The following ABCA12 variants were observed in gnomAD, a reference collection of about 807,000 sequenced individuals.
ABCA12 encodes glucosylceramide transporter ABCA12.
A neutral mutation model predicts 293.5 loss-of-function variants in ABCA12; 156 were observed. The ratio of observed to expected loss-of-function variants is 0.53; its 90% CI spans 0.47 to 0.61. ABCA12 has a LOEUF of 0.61. Among genes scored for constraint, ABCA12 ranks in the 20% least tolerant of loss-of-function variants. The pLI, the probability that ABCA12 is intolerant of heterozygous loss-of-function variation, is 0.00. For missense variants in ABCA12, 2,797 were observed against 3,090.2 expected, an observed-to-expected ratio of 0.91 and a Z score of 2.25; for synonymous variants, 1,063 against 1,108.0, an observed-to-expected ratio of 0.96 and a Z score of 0.81.
rs1450195796 is a variant in ABCA12, at chr2:215,010,589, A to G, written c.2333-119T>C. Reference sequence around the variant, plus strand: ...AAAAATACATGCTCTAGTACTTCCTATATTATTAACAGATGTGAGGCATCT... The same window carrying G: ...AAAAATACATGCTCTAGTACTTCCTGTATTATTAACAGATGTGAGGCATCT... On this transcript the variant is annotated intron_variant, in intron 17 of 52. Transcript: ENST00000272895. The G allele has an allele frequency of 9.5e-6, 11 of 1,155,668 alleles. No homozygotes were observed. In the East Asian group the frequency reaches 2.1e-4, roughly 22 times the overall value. The allele number at this position is 1,155,668 out of a possible 1,614,324, so 71.6% of individuals were successfully genotyped here.
chr2:215,128,701 T>C (rs369688780), intron 1 of ABCA12, among the ~76,000 whole-genome samples: 2 of 152,146 alleles, frequency 1.3e-5, no homozygotes, highest in South Asian at 4.1e-4. Flanking sequence ...CCTTCACTTC[T>C]TCTTTCATGT....
At chr2:215,059,862 G>A (rs1478869176) in intron 3 of ABCA12, among the ~76,000 whole-genome samples, 1 of 151,994 alleles carries the variant, frequency 6.6e-6, no homozygotes, top group African/African-American at 2.4e-5. Context: ...ATTCCTGTAC[G>A]CCAACTATGC....
Position 215,019,365 on chromosome 2 carries a change from T to G in ABCA12, c.1628A>C (p.Asn543Thr). ...IPIIEAMLHVNNSADASEKPG... is the reference protein window; with the variant it reads ...IPIIEAMLHVTNSADASEKPG... Reference sequence around the variant, plus strand: ...CTTTTCAGAAGCATCTGCACTGTTATTGACATGCAGCATGGCTTCTATGAT... The same window carrying G: ...CTTTTCAGAAGCATCTGCACTGTTAGTGACATGCAGCATGGCTTCTATGAT... Residue 543 changes from asparagine (N) to threonine (T), a missense_variant, in exon 13 of 53, where the codon AAT (asparagine) becomes ACT (threonine). By Grantham distance (65) the Asn-to-Thr change is moderately conservative. This residue lies in a region of ABCA12 where 656 missense variants were observed against 638.2 expected (regional missense o/e 1.03). Coordinates refer to ENST00000272895, the MANE Select transcript of ABCA12 (RefSeq NM_173076.3). 1.2e-6 allele frequency: 2 copies of G among 1,612,624 alleles called. No homozygotes were observed. The highest frequency in any genetic ancestry group is 1.7e-6 in the Non-Finnish European group (2 of 1,179,876).
chr2:214,954,634 G>A (rs1468681124), intron 43 of ABCA12, among the ~76,000 whole-genome samples: 1 of 152,192 alleles, frequency 6.6e-6, no homozygotes, highest in Non-Finnish European at 1.5e-5. Flanking sequence ...TTCTCCCAGA[G>A]TATGCTTGTC....
chr2:215,052,619 A>C, intron 4 of ABCA12, 35 bp from the exon 5 acceptor site: 1 of 1,493,988 alleles, frequency 6.7e-7, no homozygotes, highest in Non-Finnish European at 9.3e-7. Flanking sequence ...AGCATTCCAC[A>C]CACACACACA....
intron 2 of ABCA12, among the ~76,000 whole-genome samples, chr2:215,101,761 T>C (rs550176300): frequency 2.0e-5 from 3 of 152,010 alleles, no homozygotes; most frequent in African/African-American, 7.3e-5. Context: ...GAAAAGAAAA[T>C]GGAGGATTGA....
intron 1 of ABCA12, among the ~76,000 whole-genome samples, chr2:215,112,810 T>C (rs530397168): frequency 1.3e-5 from 2 of 152,238 alleles, no homozygotes; most frequent in East Asian, 3.9e-4. Context: ...AAATTTTCAT[T>C]AGAGAATTTC....
chr2:215,069,042 G>A (rs998825787), intron 2 of ABCA12, among the ~76,000 whole-genome samples: 12 of 152,090 alleles, frequency 7.9e-5, no homozygotes, highest in African/African-American at 1.7e-4. Context: ...TGGTAGAATC[G>A]GACACTTGCC....
At chr2:215,036,034 A>T (rs1379052164) in intron 8 of ABCA12, among the ~76,000 whole-genome samples, 1 of 152,124 alleles carries the variant, frequency 6.6e-6, no homozygotes, top group African/African-American at 2.4e-5. Flanking sequence ...TCTAGCCTAA[A>T]CTTTTTTTTT....
At chr2:214,966,363 T>C (rs1699258553) in intron 39 of ABCA12, among the ~76,000 whole-genome samples, 1 of 152,142 alleles carries the variant, frequency 6.6e-6, no homozygotes, top group Non-Finnish European at 1.5e-5. Context: ...GTAACAAACC[T>C]GCACATCTGG....
chr2:215,128,650 T>G (rs1035899575), intron 1 of ABCA12, among the ~76,000 whole-genome samples: 21 of 129,122 alleles, frequency 1.6e-4, no homozygotes, highest in Middle Eastern at 3.9e-3. Flanking sequence ...TAATTTTGTA[T>G]TTTTTTTTCT....
At chr2:214,995,644 G>C (rs1269808664) in intron 23 of ABCA12, among the ~76,000 whole-genome samples, 1 of 152,148 alleles carries the variant, frequency 6.6e-6, no homozygotes, top group Non-Finnish European at 1.5e-5. Flanking sequence ...GCGAGGCTGA[G>C]CAGGAGGCAC....
At chr2:215,013,739 T>C (rs1559146381) in intron 15 of ABCA12, 2 of 153,360 alleles carry the variant, frequency 1.3e-5, no homozygotes. Context: ...TTGTAGGTTA[T>C]AGTTTATGTA....
In ABCA12 at chr2:215,053,427, T is replaced by C. The variant is rs189583150; in HGVS notation, c.410-843A>G. 1.1e-3 allele frequency among the ~76,000 whole-genome samples: 169 copies of C among 152,232 alleles called. 1 individual carries two copies. The highest frequency in any genetic ancestry group is 3.9e-3 in the African/African-American group (162 of 41,550). On this transcript the variant is annotated intron_variant, in intron 4 of 52. Transcript: ENST00000272895. ...TTTGCCATCTGATTCCTTTAGACTA[T>C]GGCAATATATTTGTGAGATAACTGG...
intron 2 of ABCA12, among the ~76,000 whole-genome samples, chr2:215,071,052 C>T (rs994095189): frequency 4.0e-5 from 6 of 151,616 alleles, no homozygotes; most frequent in African/African-American, 1.5e-4. Flanking sequence ...CACAAACTAT[C>T]TCGGCATGCT....
At chr2:215,100,816 A>AT (rs1402558429) in intron 2 of ABCA12, among the ~76,000 whole-genome samples, 5 of 152,158 alleles carry the variant, frequency 3.3e-5, no homozygotes, top group Non-Finnish European at 7.3e-5. Context: ...TAATGAAAAG[A>AT]TTTTAACATT....
In ABCA12 at chr2:215,056,949, AC is replaced by A. The variant is rs570939589; in HGVS notation, c.318-2286del. Among the ~76,000 whole-genome samples the A allele has an allele frequency of 2.5e-4, 38 of 152,198 alleles. 3 individuals carry two copies. The South Asian group carries it at 7.7e-3, about 31-fold the overall frequency. On this transcript the variant is annotated intron_variant, in intron 3 of 52. Coordinates refer to ENST00000272895, the MANE Select transcript of ABCA12 (RefSeq NM_173076.3). Reference sequence around the variant, plus strand: ...AAATAGCACCTTCCTGTTACTTCACACAAGCACTTAGTGCACACTTATTTCA... The same window carrying A: ...AAATAGCACCTTCCTGTTACTTCACAAAGCACTTAGTGCACACTTATTTCA...
At chr2:215,112,612 C>T (rs1363693786) in intron 1 of ABCA12, among the ~76,000 whole-genome samples, 3 of 151,678 alleles carry the variant, frequency 2.0e-5, no homozygotes, top group Non-Finnish European at 4.4e-5. Flanking sequence ...AATCCTCTGC[C>T]TCAGTCTCCC....
chr2:214,966,161 C>A (rs1699252759), intron 39 of ABCA12, among the ~76,000 whole-genome samples: 1 of 152,288 alleles, frequency 6.6e-6, no homozygotes, highest in East Asian at 1.9e-4. Flanking sequence ...TGCACGTTCT[C>A]ACTTATAAGT....
Sources: gnomAD v4.1 joint callset for allele counts (sites outside exome capture counted in the v4.1 genomes callset) on GRCh38, gnomAD v4.1.1 for gene constraint, gnomAD v4.1.1 regional missense constraint, MANE v1.5 for transcripts, NCBI Gene and HGNC (gene_info 2026-07-23, HGNC 2026-07-21) for gene names.